Variants in FRMD4B observed in about 807,000 individuals in gnomAD.
FRMD4B encodes FERM domain containing 4B.
Under a neutral mutation model 141.5 loss-of-function variants are expected in FRMD4B, and 74 were observed. That is an observed-to-expected ratio of 0.52 (90% CI 0.43 to 0.63). FRMD4B has a LOEUF of 0.63. Ranked by LOEUF, FRMD4B falls within the 30% of genes least tolerant of loss-of-function variation. FRMD4B has a pLI of 0.00. For synonymous variants in FRMD4B, 506 were observed against 467.9 expected (o/e 1.08, Z -1.05); for missense variants, 1,366 against 1,253.4 (o/e 1.09, Z -1.36).
chr3:69,335,076 G>A (rs935165727), intron 1 of FRMD4B, among the ~76,000 whole-genome samples: 1 of 152,196 alleles, frequency 6.6e-6, no homozygotes, highest in African/African-American at 2.4e-5. Flanking sequence ...TTGAGCCCAG[G>A]AGTTTGAGGC....
chr3:69,234,515 A>G lies in FRMD4B; in HGVS notation c.582-9825T>C, dbSNP rs116319437. ...TCAAATTGCCCTTTATTGAAAAAGA[A>G]TATCATGTTTCTTTCAGTTATTTGT... is the stretch of plus-strand genomic sequence containing the variant. On this transcript the variant is annotated intron_variant, in intron 7 of 22. Transcript: ENST00000398540. 2.7e-3 allele frequency among the ~76,000 whole-genome samples: 413 copies of G among 152,316 alleles called. 1 individual carries two copies. The highest frequency in any genetic ancestry group is 9.7e-3 in the African/African-American group (405 of 41,564).
intron 11 of FRMD4B, among the ~76,000 whole-genome samples, chr3:69,213,481 C>G (rs908943234): frequency 6.6e-6 from 1 of 151,604 alleles, no homozygotes; most frequent in Non-Finnish European, 1.5e-5. Context: ...TTTTAGAAGT[C>G]AATTTTGAAA....
At chr3:69,319,059 G>A (rs930330846) in intron 1 of FRMD4B, among the ~76,000 whole-genome samples, 2 of 152,188 alleles carry the variant, frequency 1.3e-5, no homozygotes, top group African/African-American at 4.8e-5. Context: ...ACCGGGCAAA[G>A]TGCTTGACAT....
chr3:69,350,949 G>T (rs1703125920), intron 1 of FRMD4B, among the ~76,000 whole-genome samples: 1 of 151,972 alleles, frequency 6.6e-6, no homozygotes. Flanking sequence ...CCTGCACATT[G>T]TGCACATGTA....
chr3:69,466,684 GA>G (rs1705793015), intron 1 of FRMD4B, among the ~76,000 whole-genome samples: 1 of 152,044 alleles, frequency 6.6e-6, no homozygotes, highest in Non-Finnish European at 1.5e-5. Context: ...CCAACAAACA[GA>G]AAAGCAAAAC....
intron 3 of FRMD4B, among the ~76,000 whole-genome samples, chr3:69,308,247 T>C (rs1701457539): frequency 6.6e-6 from 1 of 152,144 alleles, no homozygotes; most frequent in Non-Finnish European, 1.5e-5. Context: ...CCTTATGTAG[T>C]ACATACTATA....
At chr3:69,431,007 T>C (rs753080385) in intron 2 of FRMD4B, among the ~76,000 whole-genome samples, 1 of 152,130 alleles carries the variant, frequency 6.6e-6, no homozygotes, top group Non-Finnish European at 1.5e-5. Flanking sequence ...AGGAAAAAGA[T>C]ACAGGAACAA....
intron 1 of FRMD4B, among the ~76,000 whole-genome samples, chr3:69,523,818 T>C (rs996701945): frequency 2.6e-5 from 4 of 152,032 alleles, no homozygotes; most frequent in African/African-American, 7.2e-5. Flanking sequence ...CAGGAAAAAA[T>C]GCTGACAATG....
rs144706550 is a variant in FRMD4B at position 69,473,426 on chromosome 3, T to A, written c.-128-40665A>T. 4.3e-3 allele frequency among the ~76,000 whole-genome samples: 657 copies of A among 152,302 alleles called. 4 individuals carry two copies. Among genetic ancestry groups the A allele is most frequent in the African/African-American group, 0.015 (630 of 41,582 alleles). The stretch of plus-strand genomic sequence containing the variant: ...AACTGCATTCTACAATTTGGCTTCA[T>A]TGGCAATGCAGCACGTATCTGAATC... On this transcript the variant is annotated intron_variant, in intron 1 of 5. Transcript: ENST00000459638.
intron 1 of FRMD4B, among the ~76,000 whole-genome samples, chr3:69,466,770 C>G (rs1231696848): frequency 1.3e-5 from 2 of 152,184 alleles, no homozygotes; most frequent in African/African-American, 4.8e-5. Flanking sequence ...AATCATGGCT[C>G]ACTATAGCTT....
At chr3:69,391,877 AG>A (rs1339495905) in intron 2 of FRMD4B, among the ~76,000 whole-genome samples, 1 of 152,210 alleles carries the variant, frequency 6.6e-6, no homozygotes, top group Non-Finnish European at 1.5e-5. Context: ...CCCAGTCATT[AG>A]GACAACCACA....
chr3:69,342,866 T>C (rs986397673), intron 1 of FRMD4B, among the ~76,000 whole-genome samples: 1 of 152,216 alleles, frequency 6.6e-6, no homozygotes, highest in African/African-American at 2.4e-5. Flanking sequence ...TGTCTAGCTG[T>C]AATTTTGCAT....
At chr3:69,539,391 T>C (rs62252577) in intron 1 of FRMD4B, among the ~76,000 whole-genome samples, 38,362 of 152,018 alleles carry the variant, frequency 0.25, 5,156 homozygotes, top group Non-Finnish European at 0.3. Context: ...CACTTGGGAG[T>C]GGCTGTGAAG....
intron 7 of FRMD4B, among the ~76,000 whole-genome samples, chr3:69,241,832 G>A (rs1029369890): frequency 2.0e-5 from 3 of 152,004 alleles, no homozygotes; most frequent in Non-Finnish European, 2.9e-5. Context: ...TTGCACCACT[G>A]CACTCCAGCC....
At chr3:69,340,519 C>T (rs919236742) in intron 1 of FRMD4B, among the ~76,000 whole-genome samples, 3 of 152,202 alleles carry the variant, frequency 2.0e-5, no homozygotes, top group Non-Finnish European at 4.4e-5. Context: ...TCATAGGAGA[C>T]ATCGTGCAGT....
chr3:69,487,828 T>A (rs1250250926), intron 1 of FRMD4B, among the ~76,000 whole-genome samples: 1 of 152,186 alleles, frequency 6.6e-6, no homozygotes, highest in Non-Finnish European at 1.5e-5. Context: ...CCTGGGAAGA[T>A]GAATACCCAG....
At chr3:69,297,273 G>T (rs779318980) in intron 4 of FRMD4B, among the ~76,000 whole-genome samples, 1 of 152,220 alleles carries the variant, frequency 6.6e-6, no homozygotes, top group South Asian at 2.1e-4. Flanking sequence ...TGACTTCAAG[G>T]GCTCCATGTT....
rs146536193 is a variant in FRMD4B at position 69,283,970 on chromosome 3, C to CAAAA, written c.501+3778_501+3781dup. ...TCTTAACTGAAAAAACAAAACAAAACAAAACAAAAAAAACAAAAAACAGAC... is the reference window on the plus strand; with the variant it reads ...TCTTAACTGAAAAAACAAAACAAAACAAAAAAAACAAAAAAAACAAAAAACAGAC... On this transcript the variant is annotated intron_variant, in intron 5 of 22. Transcript: ENST00000398540. Among the ~76,000 whole-genome samples the CAAAA allele has an allele frequency of 1.3e-3, 185 of 137,784 alleles. 3 individuals are homozygous for CAAAA. The highest frequency in any genetic ancestry group is 2.3e-3 in the African/African-American group (85 of 36,702). The allele number at this position is 137,784 out of a possible 152,430, so 90.4% of individuals were successfully genotyped here.
chr3:69,471,476 T>C, intron 1 of FRMD4B: 1 of 262,642 alleles, frequency 3.8e-6, no homozygotes, highest in Admixed American at 4.0e-5. Flanking sequence ...ATTAATTTCA[T>C]GACCCCTTTT....
Sources: allele counts gnomAD v4.1 joint callset (sites outside exome capture counted in the v4.1 genomes callset), GRCh38; gene constraint gnomAD v4.1.1; transcripts MANE v1.5; gene names NCBI Gene and HGNC (gene_info 2026-07-23, HGNC 2026-07-21).